PLXDC2: variants seen among roughly 807,000 people sequenced by gnomAD.
PLXDC2 encodes the protein plexin domain containing 2.
Under a neutral mutation model 68.9 loss-of-function variants are expected in PLXDC2, and 40 were observed. The observed-to-expected ratio is 0.58, with a 90% confidence interval of 0.45 to 0.76. The LOEUF is 0.76. PLXDC2 is among the 30% of genes least tolerant of loss of function. PLXDC2 has a pLI of 0.00. For missense variants in PLXDC2, 644 were observed against 661.9 expected (o/e 0.97, Z 0.30); for synonymous variants, 243 against 234.2 (o/e 1.04, Z -0.34).
intron 4 of PLXDC2, among the ~76,000 whole-genome samples, chr10:20,116,774 T>C (rs1589636657): frequency 6.6e-6 from 1 of 152,180 alleles, no homozygotes; most frequent in African/African-American, 2.4e-5. Flanking sequence ...TTCTAAATGT[T>C]CTACAAAATA....
At chr10:19,932,092 C>T (rs1833646567) in intron 1 of PLXDC2, among the ~76,000 whole-genome samples, 1 of 152,036 alleles carries the variant, frequency 6.6e-6, no homozygotes, top group African/African-American at 2.4e-5. Flanking sequence ...ACCTGTCAGT[C>T]CCAGTAGGTC....
intron 9 of PLXDC2, among the ~76,000 whole-genome samples, chr10:20,199,514 T>G (rs1213280111): frequency 6.6e-6 from 1 of 151,978 alleles, no homozygotes; most frequent in East Asian, 1.9e-4. Context: ...TAGCGTTCTA[T>G]ATCAGAAATG....
At chr10:19,966,690 C>A (rs934692963) in intron 1 of PLXDC2, among the ~76,000 whole-genome samples, 2 of 152,096 alleles carry the variant, frequency 1.3e-5, no homozygotes, top group African/African-American at 4.8e-5. Flanking sequence ...TTCCTTAATA[C>A]CACTGAACAT....
At chr10:19,840,060 C>A (rs2131317078) in intron 1 of PLXDC2, among the ~76,000 whole-genome samples, 1 of 152,240 alleles carries the variant, frequency 6.6e-6, no homozygotes, top group African/African-American at 2.4e-5. Context: ...GGTTTGTTCA[C>A]CACTCTCCTG....
At chr10:19,883,263 C>G (rs888119430) in intron 1 of PLXDC2, among the ~76,000 whole-genome samples, 4 of 149,394 alleles carry the variant, frequency 2.7e-5, no homozygotes, top group Non-Finnish European at 5.9e-5. Flanking sequence ...CGCCTGGCCA[C>G]TAAAATTTCT....
At chr10:20,085,954 A>AGGTATAATGGT (rs1308803399) in intron 4 of PLXDC2, among the ~76,000 whole-genome samples, 1 of 152,240 alleles carries the variant, frequency 6.6e-6, no homozygotes, top group Non-Finnish European at 1.5e-5. Flanking sequence ...GTAAAAGGAA[A>AGGTATAATGGT]AACTAAGCCA....
chr10:20,043,174 C>T (rs558928961), intron 2 of PLXDC2: 90 of 152,248 alleles, frequency 5.9e-4, no homozygotes, highest in Admixed American at 1.9e-3. Context: ...AAACACCTCT[C>T]TGGAATTTAA....
chr10:20,181,528 G>A (rs892818125), intron 9 of PLXDC2, among the ~76,000 whole-genome samples: 1 of 151,928 alleles, frequency 6.6e-6, no homozygotes, highest in Non-Finnish European at 1.5e-5. Context: ...TTTTGGAGGG[G>A]GTAATAAATA....
intron 4 of PLXDC2, among the ~76,000 whole-genome samples, chr10:20,131,847 T>C (rs1001471697): frequency 6.6e-6 from 1 of 152,170 alleles, no homozygotes; most frequent in Admixed American, 6.5e-5. Context: ...TCTGATCTTT[T>C]TTATTTCCTT....
chr10:19,993,645 C>G (rs774891423), intron 1 of PLXDC2, among the ~76,000 whole-genome samples: 4 of 152,306 alleles, frequency 2.6e-5, no homozygotes, highest in African/African-American at 4.8e-5. Context: ...GTTTCAAACT[C>G]CTGACCTCAG....
intron 1 of PLXDC2, among the ~76,000 whole-genome samples, chr10:19,883,170 G>A (rs1837766246): frequency 6.6e-6 from 1 of 151,972 alleles, no homozygotes; most frequent in Non-Finnish European, 1.5e-5. Flanking sequence ...CACTGTGTTA[G>A]CCAGGATGGT....
chr10:20,083,337 C>T (rs1456689271), intron 4 of PLXDC2, among the ~76,000 whole-genome samples: 2 of 151,856 alleles, frequency 1.3e-5, no homozygotes, highest in Admixed American at 6.6e-5. Flanking sequence ...ATTAGCCGGG[C>T]GAGGTGGCAT....
chr10:20,179,516 A>G (rs1379075946), intron 9 of PLXDC2, among the ~76,000 whole-genome samples: 3 of 152,098 alleles, frequency 2.0e-5, no homozygotes, highest in South Asian at 2.1e-4. Context: ...CAGAAAAAAA[A>G]CAAGGACCAT....
intron 13 of PLXDC2, among the ~76,000 whole-genome samples, chr10:20,251,274 T>G (rs2778974): frequency 0.88 from 133,273 of 152,142 alleles, 58,882 homozygotes; most frequent in Middle Eastern, 0.95. Context: ...TTTCTAAAGG[T>G]TGTCTGATTT....
chr10:20,019,181 T>A (rs2131654739), intron 2 of PLXDC2, among the ~76,000 whole-genome samples: 1 of 149,980 alleles, frequency 6.7e-6, no homozygotes, highest in South Asian at 2.1e-4. Flanking sequence ...CCAAATTGAC[T>A]GTTTTAGGGG....
chr10:20,082,064 CA>C lies in PLXDC2; in HGVS notation c.541+13837del, dbSNP rs1252447303. ...CCATCTGAAAAAAAAAAAAAAAAAT[CA>C]AAAAAAAAAAACAGGAGAAGTCTGA... is the stretch of plus-strand genomic sequence containing the variant. On this transcript the variant is annotated intron_variant, in intron 4 of 13. Coordinates refer to ENST00000377252, the MANE Select transcript of PLXDC2 (RefSeq NM_032812.9). 2.2e-3 allele frequency among the ~76,000 whole-genome samples: 152 copies of C among 70,142 alleles called. 3 individuals carry two copies. The highest frequency in any genetic ancestry group is 2.5e-3 in the Non-Finnish European group (97 of 38,482). 46.0% of individuals were successfully genotyped at this position (70,142 alleles called of 152,430 possible). A position where few individuals can be genotyped will look rare whatever the true frequency, so the allele number is the denominator to read the frequency against.
intron 5 of PLXDC2, 49 bp from the exon 6 acceptor site, chr10:20,147,735 T>C: frequency 8.7e-7 from 1 of 1,155,852 alleles, no homozygotes; most frequent in Non-Finnish European, 1.3e-6. Flanking sequence ...CCAGAATTGA[T>C]TGGTATGTTT....
At chr10:20,020,870 A>G (rs12784668) in intron 2 of PLXDC2, among the ~76,000 whole-genome samples, 1 of 152,144 alleles carries the variant, frequency 6.6e-6, no homozygotes, top group South Asian at 2.1e-4. Context: ...ATAGTGTCCT[A>G]AGAGCTCTGA....
At chr10:20,150,935 C>T (rs1480158353) in intron 6 of PLXDC2, among the ~76,000 whole-genome samples, 2 of 152,166 alleles carry the variant, frequency 1.3e-5, no homozygotes, top group Admixed American at 6.5e-5. Context: ...TTCAAGATGA[C>T]AGGCAAATTT....
Sources: gnomAD v4.1 joint callset for allele counts (sites outside exome capture counted in the v4.1 genomes callset) on GRCh38, gnomAD v4.1.1 for gene constraint, MANE v1.5 for transcripts, NCBI Gene and HGNC (gene_info 2026-07-23, HGNC 2026-07-21) for gene names.